The following TIAM2 variants were observed in gnomAD, a reference collection of about 807,000 sequenced individuals.
TIAM2 encodes rho guanine nucleotide exchange factor TIAM2.
Under a neutral mutation model 152.9 loss-of-function variants are expected in TIAM2, and 80 were observed. The ratio of observed to expected loss-of-function variants is 0.52; its 90% CI spans 0.44 to 0.63. TIAM2 has a LOEUF of 0.63. Ranked by LOEUF, TIAM2 falls within the 30% of genes least tolerant of loss-of-function variation. The probability of loss-of-function intolerance (pLI) is 0.00; values close to 1 mark genes in which losing one functional copy is unlikely to be tolerated. For missense variants in TIAM2, 1,965 were observed against 2,120.1 expected (o/e 0.93, Z 1.44); for synonymous variants, 804 against 838.0 (o/e 0.96, Z 0.70).
At chr6:155,204,432 G>A (rs986979865) in intron 14 of TIAM2, among the ~76,000 whole-genome samples, 4 of 152,022 alleles carry the variant, frequency 2.6e-5, no homozygotes, top group African/African-American at 9.7e-5. Flanking sequence ...AGAGGTTCTG[G>A]TGCCATTTAC....
Position 155,137,417 on chromosome 6 carries a change from T to A in TIAM2, c.1435T>A (p.Ser479Thr), listed in dbSNP as rs1779580888. The A allele has an allele frequency of 1.2e-6, 2 of 1,614,204 alleles. No homozygotes were observed. Among genetic ancestry groups the A allele is most frequent in the South Asian group, 2.2e-5 (2 of 91,086 alleles). ...SRTNTENIET[S>T]TETAESSSES... ...GACCAACACTGAGAACATAGAAACA[T>A]CTACAGAAACCGCCGAGTCCAGCAG... The change falls in exon 5 of 27, where the codon TCT becomes ACT. Residue 479 changes from serine to threonine, a missense_variant. Physicochemically the swap from Ser to Thr is moderately conservative, Grantham distance 58. Transcript: ENST00000682666.
At chr6:155,242,914 C>CT (rs35279067) in intron 16 of TIAM2, among the ~76,000 whole-genome samples, 1,743 of 126,566 alleles carry the variant, frequency 0.014, 34 homozygotes, top group Non-Finnish European at 0.017. Flanking sequence ...TTTTTTTTTT[C>CT]TTTTTTTTAG....
In TIAM2 at chr6:155,169,913, G is replaced by C. The variant is rs539294334; in HGVS notation, c.2361+4504G>C. 3.8e-3 allele frequency among the ~76,000 whole-genome samples: 583 copies of C among 152,160 alleles called. 5 individuals are homozygous for C. Among genetic ancestry groups the C allele is most frequent in the African/African-American group, 0.013 (551 of 41,520 alleles). On this transcript the variant is annotated intron_variant, in intron 9 of 26. Transcript: ENST00000682666. Reference sequence around the variant, plus strand: ...GGCTCACTGAAACCTCTGCCTCCCAGGTTGAAGCAGTTCTTCTGCCTCAGC... The same window carrying C: ...GGCTCACTGAAACCTCTGCCTCCCACGTTGAAGCAGTTCTTCTGCCTCAGC...
chr6:155,074,425 G>A (rs1777907842), intron 1 of TIAM2, among the ~76,000 whole-genome samples: 1 of 151,942 alleles, frequency 6.6e-6, no homozygotes, highest in African/African-American at 2.4e-5. Flanking sequence ...TTGGCTCACT[G>A]CAACCTCCAC....
At chr6:155,184,226 T>A (rs1780979794) in intron 14 of TIAM2, among the ~76,000 whole-genome samples, 2 of 152,152 alleles carry the variant, frequency 1.3e-5, no homozygotes, top group Non-Finnish European at 2.9e-5. Flanking sequence ...TGACCTCAGG[T>A]GATCTACCCG....
At chr6:155,097,926 T>G (rs1168901645) in intron 2 of TIAM2, among the ~76,000 whole-genome samples, 1 of 152,192 alleles carries the variant, frequency 6.6e-6, no homozygotes, top group African/African-American at 2.4e-5. Context: ...CTTTCCCCAT[T>G]GTATATTCTT....
At chr6:155,029,513 C>CTATATATTATATATACTATAG (rs1776769698) in intron 1 of TIAM2, among the ~76,000 whole-genome samples, 7 of 22,074 alleles carry the variant, frequency 3.2e-4, no homozygotes, top group Non-Finnish European at 3.9e-4. Context: ...ATAATATATA[C>CTATATATTATATATACTATAG]TATATATTAT....
intron 1 of TIAM2, among the ~76,000 whole-genome samples, chr6:155,034,346 G>C (rs1446887513): frequency 6.6e-6 from 1 of 152,008 alleles, no homozygotes; most frequent in Non-Finnish European, 1.5e-5. Context: ...TGCCTACCAG[G>C]TTCAAGCAAT....
At chr6:155,130,553 G>A in intron 4 of TIAM2, 136 bp downstream of exon 4, 1 of 763,698 alleles carries the variant, frequency 1.3e-6, no homozygotes, top group Non-Finnish European at 2.1e-6. Flanking sequence ...TCAGTGGAAA[G>A]CCTGGCTCAT....
At chr6:155,223,823 C>T (rs1053403867) in intron 15 of TIAM2, among the ~76,000 whole-genome samples, 4 of 152,216 alleles carry the variant, frequency 2.6e-5, no homozygotes, top group East Asian at 1.9e-4. Context: ...CCGGCAAGGG[C>T]GTTGCCAGTG....
chr6:155,088,301 G>C (rs186272579), intron 1 of TIAM2, among the ~76,000 whole-genome samples: 1 of 151,936 alleles, frequency 6.6e-6, no homozygotes. Context: ...GGCTGGTCTC[G>C]AACTCACGAC....
intron 1 of TIAM2, among the ~76,000 whole-genome samples, chr6:155,046,045 G>C (rs765494342): frequency 2.1e-4 from 32 of 151,610 alleles, no homozygotes; most frequent in Admixed American, 7.2e-4. Flanking sequence ...CTGCCCCACT[G>C]CCTGCTCCCA....
At chr6:155,045,942 A>T (rs563269494) in intron 1 of TIAM2, among the ~76,000 whole-genome samples, 1 of 134,932 alleles carries the variant, frequency 7.4e-6, no homozygotes, top group African/African-American at 2.8e-5. Context: ...TTCTGTTTTA[A>T]TGAGGAAGAG....
At chr6:155,241,315 G>C (rs751649915) in intron 16 of TIAM2, among the ~76,000 whole-genome samples, 7 of 152,206 alleles carry the variant, frequency 4.6e-5, no homozygotes, top group Non-Finnish European at 1.0e-4. Flanking sequence ...GGAGCCTGGG[G>C]AGCAGAGTTC....
intron 15 of TIAM2, among the ~76,000 whole-genome samples, chr6:155,237,961 C>T (rs909456892): frequency 6.6e-6 from 1 of 152,240 alleles, no homozygotes; most frequent in African/African-American, 2.4e-5. Context: ...ATGTCTGCAG[C>T]CAGCTTAGAT....
intron 14 of TIAM2, among the ~76,000 whole-genome samples, chr6:155,185,479 A>C (rs1781020964): frequency 6.6e-6 from 1 of 150,636 alleles, no homozygotes; most frequent in African/African-American, 2.4e-5. Context: ...CAAGCAGGTG[A>C]GTTAAGCCAC....
chr6:155,078,626 C>G (rs1048490297), intron 1 of TIAM2, among the ~76,000 whole-genome samples: 2 of 152,196 alleles, frequency 1.3e-5, no homozygotes, highest in African/African-American at 4.8e-5. Flanking sequence ...TCCAGCTCTG[C>G]CCTGACATCA....
intron 1 of TIAM2, among the ~76,000 whole-genome samples, chr6:155,023,559 G>C (rs578022841): frequency 8.5e-5 from 13 of 152,130 alleles, no homozygotes; most frequent in Non-Finnish European, 1.5e-4. Flanking sequence ...TTGGGTAGCA[G>C]CCTGGCCTGG....
intron 2 of TIAM2, among the ~76,000 whole-genome samples, chr6:155,092,539 A>G (rs1778328662): frequency 6.6e-6 from 1 of 152,134 alleles, no homozygotes. Context: ...GTATATACTC[A>G]GATTTTTATA....
Sources: gnomAD v4.1 joint callset for allele counts (sites outside exome capture counted in the v4.1 genomes callset) on GRCh38, gnomAD v4.1.1 for gene constraint, MANE v1.5 for transcripts, NCBI Gene and HGNC (gene_info 2026-07-23, HGNC 2026-07-21) for gene names.